CES3: variants seen among roughly 807,000 people sequenced by gnomAD.
The protein encoded by CES3 is carboxylesterase 3 (brain).
A neutral mutation model predicts 57.6 loss-of-function variants in CES3; 49 were observed. The ratio of observed to expected loss-of-function variants is 0.85; its 90% CI spans 0.68 to 1.08. The LOEUF is 1.08. CES3 is among the 50% of genes least tolerant of loss of function. The probability of loss-of-function intolerance (pLI) is 0.00; values close to 1 mark genes in which losing one functional copy is unlikely to be tolerated. For missense variants in CES3, 645 were observed against 742.0 expected (o/e 0.87, Z 1.52); for synonymous variants, 266 against 281.6 (o/e 0.94, Z 0.55).
chr16:66,966,027 G>C (rs1963724598), intron 6 of CES3, among the ~76,000 whole-genome samples: 1 of 152,146 alleles, frequency 6.6e-6, no homozygotes, highest in African/African-American at 2.4e-5. Flanking sequence ...TAAAATTATG[G>C]TATAATAGGG....
chr16:66,967,114 G>A (rs556532767), intron 8 of CES3, among the ~76,000 whole-genome samples: 4 of 151,440 alleles, frequency 2.6e-5, no homozygotes, highest in African/African-American at 7.3e-5. Flanking sequence ...ACAGAGTCTC[G>A]CTCTGTCACC....
chr16:66,961,473 C>T (rs943206638), intron 1 of CES3, 84 bp downstream of exon 1: 30 of 1,110,954 alleles, frequency 2.7e-5, no homozygotes, highest in Middle Eastern at 2.2e-4. Flanking sequence ...GTGGGCCGAC[C>T]GCTCAGGAAA....
At chr16:66,962,962 C>T (rs912717597) in intron 1 of CES3, 3 of 697,742 alleles carry the variant, frequency 4.3e-6, no homozygotes, top group East Asian at 5.4e-5. Context: ...GCCCTAGTGG[C>T]AGGCCCGGTC....
chr16:66,970,616 A>G (rs1238518563), intron 9 of CES3, among the ~76,000 whole-genome samples: 1 of 151,406 alleles, frequency 6.6e-6, no homozygotes, highest in Non-Finnish European at 1.5e-5. Context: ...ATCCCCTCTA[A>G]GCCCATCTCT....
intron 1 of CES3, among the ~76,000 whole-genome samples, chr16:66,962,757 C>T (rs1388279183): frequency 2.6e-5 from 4 of 152,188 alleles, no homozygotes; most frequent in East Asian, 3.9e-4. Context: ...ATTAGCCAGG[C>T]GTTGTGGTGC....
intron 8 of CES3, among the ~76,000 whole-genome samples, chr16:66,969,284 C>A (rs923697772): frequency 6.6e-6 from 1 of 151,700 alleles, no homozygotes; most frequent in East Asian, 2.0e-4. Context: ...TGCACGTCTG[C>A]GGTCCCAGCT....
At position 66,964,444 on chromosome 16, in the gene CES3, C is replaced by G. The variant is rs768694829; in HGVS notation, c.648C>G (p.Phe216Leu). ...LRWVQENIAP[F>L]GGDLNCVTVF... ...GGGTGCAAGAAAACATCGCCCCCTT[C>G]GGGGGTGACCTCAACTGTGTCACTG... The change falls in exon 5 of 13, where the codon TTC becomes TTG. Residue 216 changes from phenylalanine to leucine, a missense_variant. By Grantham distance (22) the Phe-to-Leu change is conservative. Transcript: ENST00000303334. The G allele has an allele frequency of 6.2e-7, 1 of 1,614,106 alleles. No individual in the cohort carries two copies. The highest frequency in any genetic ancestry group is 1.7e-5 in the Admixed American group (1 of 60,020).
In CES3 at chr16:66,973,045, T is replaced by A. The variant is rs747769732; in HGVS notation, c.1712T>A (p.Leu571His). The change falls in exon 13 of 13, where the codon CTC becomes CAC. Residue 571 changes from leucine (L) to histidine (H), a missense_variant. Leu to His is a moderately conservative substitution (Grantham distance 99). Coordinates refer to ENST00000303334, the MANE Select transcript of CES3 (RefSeq NM_024922.6). ...KQKNRKAQED[L>H] is the part of the protein sequence containing the mutation. ...AAGAACAGGAAGGCCCAGGAGGACC[T>A]CTGAGGCCAGGCCTGAACCTTCTTG... The A allele has an allele frequency of 3.7e-6, 6 of 1,613,554 alleles. No homozygotes were observed. The highest frequency in any genetic ancestry group is 1.1e-5 in the South Asian group (1 of 91,066).
rs1056111507 is a variant in CES3, at chr16:66,963,389, T to C, written c.287+6T>C. On this transcript the variant is annotated splice_donor_region_variant and intron_variant, in intron 2 of 12. Transcript: ENST00000303334. The surrounding 1 kb of genome is among the most constrained non-coding windows in gnomAD (Gnocchi z 4.9). ...GCCAGCACTGCGCCCCCAATGTGAG[T>C]AGTGCTGGTGGAGGCGGGCAAACAG... 1.8e-5 allele frequency: 29 copies of C among 1,612,750 alleles called. No homozygotes were observed. The highest frequency in any genetic ancestry group is 2.4e-5 in the Non-Finnish European group (28 of 1,179,900).
intron 8 of CES3, chr16:66,967,403 G>T: frequency 1.5e-6 from 1 of 670,462 alleles, no homozygotes. Flanking sequence ...GGCCTTCTGG[G>T]CACTGCTGAT....
chr16:66,961,641 G>A (rs1046656344), intron 1 of CES3, among the ~76,000 whole-genome samples: 7 of 152,122 alleles, frequency 4.6e-5, no homozygotes, highest in African/African-American at 1.7e-4. Flanking sequence ...TCGGCTCACT[G>A]CAACCTCCGC....
At chr16:66,972,254 AT>A in intron 10 of CES3, 101 bp from the exon 11 acceptor site, 2 of 1,190,042 alleles carry the variant, frequency 1.7e-6, no homozygotes, top group South Asian at 4.0e-5. Flanking sequence ...CATCATCATC[AT>A]CATCATCATG....
Position 66,963,588 on chromosome 16 carries a change from G to GT in CES3, c.386dup (p.Tyr130LeufsTer2). ...TTCAGAGGACTGCCTGGTCCTCAACGTCTATAGCCCAGCTGAGGTCCCCGC... is the reference window on the plus strand; with the variant it reads ...TTCAGAGGACTGCCTGGTCCTCAACGTTCTATAGCCCAGCTGAGGTCCCCGC... On this transcript the variant is annotated frameshift_variant, in exon 3 of 13. Coordinates refer to ENST00000303334, the MANE Select transcript of CES3 (RefSeq NM_024922.6). LOFTEE classifies it high-confidence loss of function. This position sits in a 1 kb window ranked among gnomAD's most constrained non-coding sequence, Gnocchi z 4.9. 6.2e-7 allele frequency: 1 copy of GT among 1,614,188 alleles called. No individual in the cohort carries two copies. Among genetic ancestry groups the GT allele is most frequent in the Non-Finnish European group, 8.5e-7 (1 of 1,180,026 alleles).
In CES3 at chr16:66,966,654, T is replaced by C. The variant is rs1280168456; in HGVS notation, c.922-71T>C. The C allele has an allele frequency of 1.0e-5, 16 of 1,575,094 alleles. No individual in the cohort carries two copies. The East Asian group carries it at 3.1e-4, about 31-fold the overall frequency. ...TCAGACACTCAGGCCTGCAGCTCAG[T>C]GGCTGCTGGGGTCCTAGCCTTTGAG... On this transcript the variant is annotated intron_variant, in intron 7 of 12. Transcript: ENST00000303334.
Position 66,973,169 on chromosome 16 carries a change from C to A in CES3, c.*120C>A. The A allele has an allele frequency of 2.3e-6, 2 of 872,088 alleles. No individual in the cohort carries two copies. The highest frequency in any genetic ancestry group is 2.7e-5 in the East Asian group (1 of 37,470). The allele number at this position is 872,088 out of a possible 1,614,324, so 54.0% of individuals were successfully genotyped here. On this transcript the variant is annotated 3_prime_UTR_variant, in exon 13 of 13. Coordinates refer to ENST00000303334, the MANE Select transcript of CES3 (RefSeq NM_024922.6). ...TAATCTCCACCAGCCCTTAAAGTGT[C>A]GGCCGCTCTGTGACTGGAGTTATGC...
Position 66,963,597 on chromosome 16 carries a change from C to T in CES3, c.394C>T (p.Pro132Ser), listed in dbSNP as rs756061936. 1.9e-6 allele frequency: 3 copies of T among 1,614,068 alleles called. No individual in the cohort carries two copies. Among genetic ancestry groups the T allele is most frequent in the Admixed American group, 1.7e-5 (1 of 60,002 alleles). ...EDCLVLNVYS[P>S]AEVPAGSGRP... ...CTGCCTGGTCCTCAACGTCTATAGC[C>T]CAGCTGAGGTCCCCGCAGGGTCCGG... The change falls in exon 3 of 13, where the codon CCA (proline) becomes TCA (serine). Residue 132 changes from proline (P) to serine (S), a missense_variant. By Grantham distance (74) the Pro-to-Ser change is moderately conservative. Coordinates refer to ENST00000303334, the MANE Select transcript of CES3 (RefSeq NM_024922.6). The surrounding 1 kb of genome is among the most constrained non-coding windows in gnomAD (Gnocchi z 4.9).
chr16:66,963,975 G>A lies in CES3; in HGVS notation c.560+40G>A, dbSNP rs1963693118. On this transcript the variant is annotated intron_variant, in intron 4 of 12. Coordinates refer to ENST00000303334, the MANE Select transcript of CES3 (RefSeq NM_024922.6). This position sits in a 1 kb window ranked among gnomAD's most constrained non-coding sequence, Gnocchi z 4.9. ...ATGGCCAGAGCACTGCCTGCACCGG[G>A]GAGAGGCCAGCTCACCAGAGCAACT... 2 of 1,596,106 alleles carry A rather than the reference G, an allele frequency of 1.3e-6. No individual in the cohort carries two copies. Among genetic ancestry groups the A allele is most frequent in the Admixed American group, 1.7e-5 (1 of 59,716 alleles).
chr16:66,972,452 A>G lies in CES3; in HGVS notation c.1388A>G (p.Glu463Gly). 1.2e-6 allele frequency: 2 copies of G among 1,614,028 alleles called. No individual in the cohort carries two copies. Among genetic ancestry groups the G allele is most frequent in the African/African-American group, 2.7e-5 (2 of 75,016 alleles). The change falls in exon 11 of 13, where the codon GAG (glutamate) becomes GGG (glycine). Residue 463 changes from glutamate (E) to glycine (G), a missense_variant. Glu to Gly is a moderately conservative substitution (Grantham distance 98). Coordinates refer to ENST00000303334, the MANE Select transcript of CES3 (RefSeq NM_024922.6). ...PAWVKADHGA[E>G]GAFVFGGPFL... The stretch of plus-strand genomic sequence containing the variant: ...TGGGTGAAGGCTGATCATGGGGCCG[A>G]GGGTGCTTTTGTGTTCGGAGGTCCC...
In CES3 at chr16:66,972,994, A is replaced by G; in HGVS notation, c.1661A>G (p.Lys554Arg). ...TTCTGGTCAGAGACGCTCCCCAGCA[A>G]GATACAACAGTGGCACCAGAAGCAG... ...MQFWSETLPS[K>R]IQQWHQKQKN... The change falls in exon 13 of 13, where the codon AAG (lysine) becomes AGG (arginine). Residue 554 changes from lysine to arginine, a missense_variant. Coordinates refer to ENST00000303334, the MANE Select transcript of CES3 (RefSeq NM_024922.6). 1.2e-6 allele frequency: 2 copies of G among 1,614,096 alleles called. No individual in the cohort carries two copies. Among genetic ancestry groups the G allele is most frequent in the Non-Finnish European group, 1.7e-6 (2 of 1,180,040 alleles).
Sources: gnomAD v4.1 joint callset for allele counts (sites outside exome capture counted in the v4.1 genomes callset) on GRCh38, gnomAD v4.1.1 for gene constraint, Gnocchi (gnomAD v3.1) non-coding constraint, MANE v1.5 for transcripts, NCBI Gene and HGNC (gene_info 2026-07-23, HGNC 2026-07-21) for gene names.